The following PDGFD variants were observed in gnomAD, a reference collection of about 807,000 sequenced individuals.
The protein encoded by PDGFD is platelet derived growth factor D.
Under a neutral mutation model 44.7 loss-of-function variants are expected in PDGFD, and 30 were observed. The ratio of observed to expected loss-of-function variants is 0.67; its 90% CI spans 0.50 to 0.91. PDGFD has a LOEUF of 0.91. Among genes scored for constraint, PDGFD ranks in the 40% least tolerant of loss-of-function variants. The probability of loss-of-function intolerance (pLI) is 0.00; values close to 1 mark genes in which losing one functional copy is unlikely to be tolerated. For missense variants in PDGFD, 445 were observed against 457.8 expected (o/e 0.97, Z 0.25); for synonymous variants, 173 against 168.4 (o/e 1.03, Z -0.21).
chr11:103,912,676 C>G (rs1032831621), intron 6 of PDGFD, among the ~76,000 whole-genome samples: 6 of 152,178 alleles, frequency 3.9e-5, no homozygotes, highest in African/African-American at 1.4e-4. Flanking sequence ...TTAAAAGACA[C>G]AGACTGGCAA....
intron 6 of PDGFD, among the ~76,000 whole-genome samples, chr11:103,926,424 C>T (rs776618681): frequency 1.3e-5 from 2 of 152,138 alleles, no homozygotes; most frequent in Non-Finnish European, 2.9e-5. Context: ...ATAAACTGAG[C>T]ATTTCCGGTT....
intron 1 of PDGFD, among the ~76,000 whole-genome samples, chr11:104,063,307 CGTGT>C (rs558452277): frequency 5.3e-5 from 8 of 150,106 alleles, no homozygotes; most frequent in Non-Finnish European, 1.2e-4. Flanking sequence ...CTGTTTTAGA[CGTGT>C]GTGTGTGTGA....
intron 1 of PDGFD, among the ~76,000 whole-genome samples, chr11:104,090,123 T>C (rs182685102): frequency 2.5e-4 from 38 of 152,180 alleles, no homozygotes; most frequent in Non-Finnish European, 4.7e-4. Context: ...AGAAAAGAAA[T>C]ATTAATTGTA....
intron 6 of PDGFD, among the ~76,000 whole-genome samples, chr11:103,910,689 G>A (rs973339086): frequency 6.6e-6 from 1 of 152,188 alleles, no homozygotes; most frequent in Non-Finnish European, 1.5e-5. Context: ...GACAGACACC[G>A]AGCTAGCCGC....
intron 1 of PDGFD, among the ~76,000 whole-genome samples, chr11:104,031,252 G>T (rs1206164161): frequency 6.6e-6 from 1 of 152,056 alleles, no homozygotes; most frequent in East Asian, 1.9e-4. Flanking sequence ...TCTGACAAAG[G>T]TCTAATATCC....
intron 1 of PDGFD, among the ~76,000 whole-genome samples, chr11:104,111,597 C>G (rs936736439): frequency 1.3e-5 from 2 of 152,058 alleles, no homozygotes; most frequent in East Asian, 3.9e-4. Flanking sequence ...AAACCCCATT[C>G]TATACCATTT....
intron 1 of PDGFD, among the ~76,000 whole-genome samples, chr11:104,146,398 A>C (rs1043754392): frequency 6.6e-6 from 1 of 152,190 alleles, no homozygotes; most frequent in African/African-American, 2.4e-5. Flanking sequence ...TAGACTAGAC[A>C]ATGTGGTTAA....
chr11:104,012,728 A>C (rs1406362447), intron 1 of PDGFD, among the ~76,000 whole-genome samples: 1 of 152,206 alleles, frequency 6.6e-6, no homozygotes, highest in Non-Finnish European at 1.5e-5. Context: ...TTCATGCTAC[A>C]TGTCCACTTT....
At chr11:104,096,250 A>AC (rs397948918) in intron 1 of PDGFD, among the ~76,000 whole-genome samples, 1 of 151,784 alleles carries the variant, frequency 6.6e-6, no homozygotes, top group African/African-American at 2.4e-5. Context: ...GCAAAAAAAA[A>AC]CTACAAAAAA....
intron 1 of PDGFD, among the ~76,000 whole-genome samples, chr11:104,024,183 G>A (rs1000120663): frequency 2.6e-5 from 4 of 151,780 alleles, no homozygotes; most frequent in Admixed American, 6.6e-5. Context: ...TTTTTATCTC[G>A]GGTTATAAAT....
chr11:103,913,219 C>A (rs890909394), intron 6 of PDGFD, among the ~76,000 whole-genome samples: 1 of 152,174 alleles, frequency 6.6e-6, no homozygotes, highest in Non-Finnish European at 1.5e-5. Flanking sequence ...CATCACATTA[C>A]ACCTATTTTA....
At chr11:103,972,807 C>G (rs935100737) in intron 3 of PDGFD, among the ~76,000 whole-genome samples, 1 of 152,168 alleles carries the variant, frequency 6.6e-6, no homozygotes, top group Admixed American at 6.5e-5. Context: ...CAGGCTACAA[C>G]GTTCTCAACT....
At chr11:104,003,599 C>T (rs1266157994) in intron 1 of PDGFD, among the ~76,000 whole-genome samples, 1 of 152,172 alleles carries the variant, frequency 6.6e-6, no homozygotes, top group Non-Finnish European at 1.5e-5. Context: ...AGAGCCTGGG[C>T]TCAGTGTGGT....
At chr11:103,946,584 C>T (rs2134325022) in intron 4 of PDGFD, 1 of 152,368 alleles carries the variant, frequency 6.6e-6, no homozygotes, top group East Asian at 1.9e-4. Flanking sequence ...TGGTGTCTGC[C>T]TTGAGTTATC....
At chr11:103,987,667 G>A (rs1859388824) in intron 3 of PDGFD, among the ~76,000 whole-genome samples, 1 of 152,096 alleles carries the variant, frequency 6.6e-6, no homozygotes, top group African/African-American at 2.4e-5. Flanking sequence ...TGCTACTTTT[G>A]AGTCCTTTTG....
chr11:104,028,378 CT>C, intron 1 of PDGFD, among the ~76,000 whole-genome samples: 1 of 151,438 alleles, frequency 6.6e-6, no homozygotes, highest in Non-Finnish European at 1.5e-5. Flanking sequence ...ATATCCATCC[CT>C]ACGAACACAA....
intron 1 of PDGFD, among the ~76,000 whole-genome samples, chr11:104,074,905 G>A (rs1334754855): frequency 6.6e-6 from 1 of 152,160 alleles, no homozygotes; most frequent in East Asian, 1.9e-4. Flanking sequence ...TTTGTTTTGT[G>A]TGACAGGTTT....
intron 1 of PDGFD, among the ~76,000 whole-genome samples, chr11:104,131,739 C>T (rs139828126): frequency 1.8e-4 from 26 of 145,312 alleles, no homozygotes; most frequent in African/African-American, 5.6e-4. Context: ...GCTATCTAAT[C>T]TCCTTAGACA....
chr11:103,974,827 A>G (rs11226102), intron 3 of PDGFD, among the ~76,000 whole-genome samples: 3,162 of 152,282 alleles, frequency 0.021, 144 homozygotes, highest in East Asian at 0.16. Flanking sequence ...ACATGAACAC[A>G]TTAATTTTTA....
Sources: allele counts gnomAD v4.1 joint callset (sites outside exome capture counted in the v4.1 genomes callset), GRCh38; gene constraint gnomAD v4.1.1; transcripts MANE v1.5; gene names NCBI Gene and HGNC (gene_info 2026-07-23, HGNC 2026-07-21).